Variants in PARM1 observed in about 807,000 individuals in gnomAD.
PARM1 encodes the protein WSC4, cell wall integrity and stress response component 4 homolog.
In PARM1, 14 loss-of-function variants were observed where a neutral mutation model predicts 24.6. That is an observed-to-expected ratio of 0.57 (90% CI 0.38 to 0.89). The LOEUF (loss-of-function observed/expected upper bound fraction) is 0.89, where lower values mean the gene tolerates loss of function less well. Ranked by LOEUF, PARM1 falls within the 40% of genes least tolerant of loss-of-function variation. PARM1 has a pLI of 0.00. For synonymous variants in PARM1, 179 were observed against 156.6 expected (o/e 1.14, Z -1.07); for missense variants, 362 against 380.4 (o/e 0.95, Z 0.40).
intron 1 of PARM1, chr4:74,999,060 T>A (rs189652006): frequency 6.6e-6 from 1 of 152,316 alleles, no homozygotes; most frequent in African/African-American, 2.4e-5. Context: ...GAGAGGCAGC[T>A]TACCTAAAGA....
chr4:74,975,813 G>A (rs973133601), intron 1 of PARM1, among the ~76,000 whole-genome samples: 2 of 152,172 alleles, frequency 1.3e-5, no homozygotes, highest in African/African-American at 4.8e-5. Flanking sequence ...GGGCAAGATG[G>A]CTGACTAGAA....
chr4:74,994,116 A>T (rs891326137), intron 1 of PARM1: 12 of 152,158 alleles, frequency 7.9e-5, no homozygotes, highest in Non-Finnish European at 1.6e-4. Flanking sequence ...AAGAAGTAGG[A>T]ATTCGTGTGA....
At chr4:74,995,562 C>T (rs538195177) in intron 1 of PARM1, among the ~76,000 whole-genome samples, 6 of 152,180 alleles carry the variant, frequency 3.9e-5, no homozygotes, top group Admixed American at 1.3e-4. Flanking sequence ...AGGGTTTGAA[C>T]GGGGTAGTCT....
intron 1 of PARM1, among the ~76,000 whole-genome samples, chr4:74,934,614 A>T (rs936736500): frequency 6.6e-6 from 1 of 152,208 alleles, no homozygotes; most frequent in Non-Finnish European, 1.5e-5. Flanking sequence ...GCGTCCGCGG[A>T]CAGTTCCCGA....
At position 74,983,390 on chromosome 4, in the gene PARM1, T is replaced by C. The variant is rs182638277; in HGVS notation, c.44-29035T>C. Among the ~76,000 whole-genome samples, 508 of 152,352 alleles carry C rather than the reference T, an allele frequency of 3.3e-3. 6 individuals are homozygous for C. Among genetic ancestry groups the C allele is most frequent in the African/African-American group, 0.011 (474 of 41,594 alleles). The stretch of plus-strand genomic sequence containing the variant: ...GGAGACAAAACAGACTGCATCATTC[T>C]TGCATCTGTGGATGACTCAAGGTCA... On this transcript the variant is annotated intron_variant, in intron 1 of 3. Coordinates refer to ENST00000307428, the MANE Select transcript of PARM1 (RefSeq NM_015393.4).
chr4:75,017,307 A>G (rs1159675937), intron 2 of PARM1, among the ~76,000 whole-genome samples: 2 of 152,178 alleles, frequency 1.3e-5, no homozygotes, highest in African/African-American at 4.8e-5. Flanking sequence ...CCATGCCTAC[A>G]AAGCTCAGCA....
In PARM1 at chr4:75,049,834, A is replaced by G. The variant is rs548282508; in HGVS notation, c.*3587A>G. On this transcript the variant is annotated 3_prime_UTR_variant, in exon 4 of 4. Coordinates refer to ENST00000307428, the MANE Select transcript of PARM1 (RefSeq NM_015393.4). ...GGGCCAGATGCTAATTTGCACGTTG[A>G]TTCACCTTCTTTGCCTTTAAGCCTT... 8.3e-5 allele frequency: 12 copies of G among 144,578 alleles called. No individual in the cohort carries two copies. The highest frequency in any genetic ancestry group is 1.4e-4 in the Admixed American group (2 of 14,660). 9.0% of individuals were successfully genotyped at this position (144,578 alleles called of 1,614,324 possible).
chr4:74,941,561 A>G (rs928243654), intron 1 of PARM1, among the ~76,000 whole-genome samples: 1 of 152,176 alleles, frequency 6.6e-6, no homozygotes, highest in African/African-American at 2.4e-5. Flanking sequence ...ATTTGATTTC[A>G]TTTTTAGAGC....
At chr4:74,985,613 T>C (rs1333861208) in intron 1 of PARM1, among the ~76,000 whole-genome samples, 1 of 152,176 alleles carries the variant, frequency 6.6e-6, no homozygotes, top group Non-Finnish European at 1.5e-5. Flanking sequence ...GCAAAGCTAG[T>C]AGACAGTGAG....
chr4:74,977,499 A>G (rs1722162347), intron 1 of PARM1, among the ~76,000 whole-genome samples: 2 of 152,128 alleles, frequency 1.3e-5, no homozygotes, highest in South Asian at 4.1e-4. Context: ...ATGGGGGTAT[A>G]TGAAAGAGAC....
At chr4:75,001,127 A>G (rs1375105316) in intron 1 of PARM1, among the ~76,000 whole-genome samples, 1 of 152,230 alleles carries the variant, frequency 6.6e-6, no homozygotes, top group Non-Finnish European at 1.5e-5. Flanking sequence ...CACATAAAAT[A>G]CCCAGAATAT....
intron 2 of PARM1, among the ~76,000 whole-genome samples, chr4:75,025,007 T>C (rs1723157721): frequency 6.6e-6 from 1 of 152,260 alleles, no homozygotes; most frequent in Non-Finnish European, 1.5e-5. Context: ...TTTAGTAGTA[T>C]TTTATCCATA....
intron 1 of PARM1, among the ~76,000 whole-genome samples, chr4:74,982,012 C>G (rs1327933561): frequency 1.3e-5 from 2 of 152,028 alleles, no homozygotes; most frequent in African/African-American, 4.8e-5. Flanking sequence ...CATTGCAGCA[C>G]TACTCACAAT....
At position 75,009,442 on chromosome 4, in the gene PARM1, T is replaced by C. The variant is rs576040964; in HGVS notation, c.44-2983T>C. 3.9e-5 allele frequency among the ~76,000 whole-genome samples: 6 copies of C among 152,374 alleles called. No homozygotes were observed. In the South Asian group the frequency reaches 1.2e-3, roughly 32 times the overall value. Reference sequence around the variant, plus strand: ...TTCTATTCCTTTTGAATATTGATTATGGTTGGCCTTTACCTATTTGACACC... The same window carrying C: ...TTCTATTCCTTTTGAATATTGATTACGGTTGGCCTTTACCTATTTGACACC... On this transcript the variant is annotated intron_variant, in intron 1 of 3. Coordinates refer to ENST00000307428, the MANE Select transcript of PARM1 (RefSeq NM_015393.4).
chr4:75,033,943 C>T lies in PARM1; in HGVS notation c.830C>T (p.Ala277Val). ...IAVVLLVFGV[A>V]AYLKIRHSSY... ...GTGGTGCTGCTGGTGTTTGGAGTTG[C>T]AGCCTACCTAAAAATCAGGTGAGAC... Residue 277 changes from alanine (A) to valine (V), a missense_variant, in exon 3 of 4, where the codon GCA (alanine) becomes GTA (valine). Physicochemically the swap from Ala to Val is moderately conservative, Grantham distance 64. Transcript: ENST00000307428. The T allele has an allele frequency of 6.2e-7, 1 of 1,602,082 alleles. No individual in the cohort carries two copies. The highest frequency in any genetic ancestry group is 1.7e-5 in the Admixed American group (1 of 58,558).
intron 1 of PARM1, among the ~76,000 whole-genome samples, chr4:74,978,910 A>G (rs1005641603): frequency 1.3e-5 from 2 of 152,232 alleles, no homozygotes; most frequent in Admixed American, 6.5e-5. Flanking sequence ...TTTGAAGCTA[A>G]TGAGAATGAA....
At chr4:74,995,106 A>T (rs951514753) in intron 1 of PARM1, among the ~76,000 whole-genome samples, 3 of 152,218 alleles carry the variant, frequency 2.0e-5, no homozygotes, top group Non-Finnish European at 2.9e-5. Flanking sequence ...AGTGAAATAC[A>T]CTTAGAGAAG....
At chr4:74,985,409 G>A (rs1242768383) in intron 1 of PARM1, among the ~76,000 whole-genome samples, 2 of 152,188 alleles carry the variant, frequency 1.3e-5, no homozygotes, top group African/African-American at 4.8e-5. Flanking sequence ...TGCAGATGCT[G>A]GGGCCCATGG....
At chr4:74,999,535 TAAAA>T (rs1722638271) in intron 1 of PARM1, among the ~76,000 whole-genome samples, 1 of 152,214 alleles carries the variant, frequency 6.6e-6, no homozygotes, top group Non-Finnish European at 1.5e-5. Flanking sequence ...AATATATTAA[TAAAA>T]CAAATGTATA....
Sources: allele counts gnomAD v4.1 joint callset (sites outside exome capture counted in the v4.1 genomes callset), GRCh38; gene constraint gnomAD v4.1.1; transcripts MANE v1.5; gene names NCBI Gene and HGNC (gene_info 2026-07-23, HGNC 2026-07-21).